SH3GL2: variants seen among roughly 807,000 people sequenced by gnomAD.
SH3GL2 encodes SH3 domain containing GRB2 like 2, endophilin A1.
SH3GL2 carries 24 observed loss-of-function variants against 46.0 expected under a neutral mutation model. The ratio of observed to expected loss-of-function variants is 0.52; its 90% confidence interval spans 0.38 to 0.73. The LOEUF (loss-of-function observed/expected upper bound fraction) is 0.73. Among genes scored for constraint, SH3GL2 ranks in the 30% least tolerant of loss-of-function variants. SH3GL2 has a pLI of 0.00. For synonymous variants in SH3GL2, 196 were observed against 147.1 expected, an observed-to-expected ratio of 1.33 and a Z score of -2.40; for missense variants, 413 against 424.2, an observed-to-expected ratio of 0.97 and a Z score of 0.23.
chr9:17,712,710 A>T (rs960560570), intron 1 of SH3GL2, among the ~76,000 whole-genome samples: 2 of 151,786 alleles, frequency 1.3e-5, no homozygotes, highest in Non-Finnish European at 2.9e-5. Context: ...CAGTAGCTTT[A>T]TGATAAGTCT....
chr9:17,629,452 T>C (rs997149967), intron 1 of SH3GL2, among the ~76,000 whole-genome samples: 2 of 152,172 alleles, frequency 1.3e-5, no homozygotes, highest in African/African-American at 4.8e-5. Context: ...GAAATAATTT[T>C]CCATTCACAA....
chr9:17,589,304 A>G (rs1818435034), intron 1 of SH3GL2: 1 of 152,240 alleles, frequency 6.6e-6, no homozygotes, highest in Non-Finnish European at 1.5e-5. Flanking sequence ...TAGTGGGACT[A>G]TAGGCGTGTG....
chr9:17,790,782 A>G (rs1824104437), intron 6 of SH3GL2, among the ~76,000 whole-genome samples: 1 of 152,190 alleles, frequency 6.6e-6, no homozygotes, highest in African/African-American at 2.4e-5. Context: ...CTGTCATACC[A>G]TGTCGCCTCT....
rs375050613 is a variant in SH3GL2, at chr9:17,795,751, T to C, written c.*8T>C. The C allele has an allele frequency of 9.3e-6, 15 of 1,610,872 alleles. No homozygotes were observed. The African/African-American group carries it at 1.3e-4, about 14-fold the overall frequency. On this transcript the variant is annotated 3_prime_UTR_variant, in exon 9 of 9. Coordinates refer to ENST00000380607, the MANE Select transcript of SH3GL2 (RefSeq NM_003026.5). The stretch of plus-strand genomic sequence containing the variant: ...GTTGCCCTGCCCCATTAGGATGTTA[T>C]GCTGGCTGGCTCGCCTCCTCTTGAC...
intron 3 of SH3GL2, among the ~76,000 whole-genome samples, chr9:17,773,063 AT>A (rs1588322215): frequency 6.6e-6 from 1 of 151,980 alleles, no homozygotes; most frequent in East Asian, 1.9e-4. Context: ...TGTAGTTTTG[AT>A]TTGTAATGAC....
chr9:17,631,756 TTC>T (rs1372748701), intron 1 of SH3GL2, among the ~76,000 whole-genome samples: 1 of 152,198 alleles, frequency 6.6e-6, no homozygotes, highest in African/African-American at 2.4e-5. Flanking sequence ...ACTATACTTT[TTC>T]TGAAAATGAG....
chr9:17,583,326 A>C (rs1818313181), intron 1 of SH3GL2, among the ~76,000 whole-genome samples: 1 of 152,200 alleles, frequency 6.6e-6, no homozygotes, highest in Non-Finnish European at 1.5e-5. Context: ...GACAGTATTA[A>C]GAAATGGGGC....
At chr9:17,715,183 T>G (rs1821718988) in intron 1 of SH3GL2, among the ~76,000 whole-genome samples, 1 of 149,486 alleles carries the variant, frequency 6.7e-6, no homozygotes, top group Admixed American at 6.6e-5. Flanking sequence ...TGATTATGAT[T>G]TCTTTCTTTT....
intron 1 of SH3GL2, among the ~76,000 whole-genome samples, chr9:17,726,803 A>G (rs780720611): frequency 9.2e-5 from 14 of 152,176 alleles, no homozygotes; most frequent in Non-Finnish European, 1.8e-4. Context: ...AAGTCTGACA[A>G]AGTATTGGGG....
Position 17,795,894 on chromosome 9 carries a change from T to G in SH3GL2, c.*151T>G. 1 of 637,060 alleles carries G rather than the reference T, an allele frequency of 1.6e-6. No homozygotes were observed. Among genetic ancestry groups the G allele is most frequent in the Non-Finnish European group, 2.8e-6 (1 of 362,374 alleles). The allele number at this position is 637,060 out of a possible 1,614,324, so 39.5% of individuals were successfully genotyped here. ...AAGTGACTTTGGTTGACTTGTGGGCTCCCACAGGAGTCATGGTGATGGATG... is the reference window on the plus strand; with the variant it reads ...AAGTGACTTTGGTTGACTTGTGGGCGCCCACAGGAGTCATGGTGATGGATG... On this transcript the variant is annotated 3_prime_UTR_variant, in exon 9 of 9. Transcript: ENST00000380607.
chr9:17,744,034 G>A (rs1046156115), intron 1 of SH3GL2, among the ~76,000 whole-genome samples: 3 of 152,180 alleles, frequency 2.0e-5, no homozygotes, highest in Admixed American at 6.5e-5. Context: ...GGAATATAGT[G>A]AGTTTCCTGA....
intron 1 of SH3GL2, among the ~76,000 whole-genome samples, chr9:17,617,845 C>A (rs765187427): frequency 7.2e-5 from 11 of 152,042 alleles, no homozygotes; most frequent in Non-Finnish European, 1.2e-4. Flanking sequence ...GGACCATCTT[C>A]TGTTTGTGAG....
rs566411399 is a variant in SH3GL2 at position 17,630,518 on chromosome 9, G to A, written c.45+51231G>A. Reference sequence around the variant, plus strand: ...AAGTGATCACGCGTATCAATGCTAGGAGTGACGTCAAGTAGACTGGCTGGG... The same window carrying A: ...AAGTGATCACGCGTATCAATGCTAGAAGTGACGTCAAGTAGACTGGCTGGG... On this transcript the variant is annotated intron_variant, in intron 1 of 8. Coordinates refer to ENST00000380607, the MANE Select transcript of SH3GL2 (RefSeq NM_003026.5). 3.9e-5 allele frequency: 6 copies of A among 152,360 alleles called. No homozygotes were observed. In the South Asian group the frequency reaches 8.3e-4, roughly 21 times the overall value. 9.4% of individuals were successfully genotyped at this position (152,360 alleles called of 1,614,324 possible).
chr9:17,674,953 G>A (rs1485082521), intron 1 of SH3GL2, among the ~76,000 whole-genome samples: 2 of 152,160 alleles, frequency 1.3e-5, no homozygotes, highest in Non-Finnish European at 2.9e-5. Context: ...GGGATGGGGA[G>A]TAGACTTCAT....
At chr9:17,779,404 G>A (rs754329097) in intron 3 of SH3GL2, among the ~76,000 whole-genome samples, 3 of 152,116 alleles carry the variant, frequency 2.0e-5, no homozygotes, top group African/African-American at 7.2e-5. Context: ...GAGTGGCTCA[G>A]ACCTGAGCCT....
At chr9:17,729,338 A>G (rs1304511871) in intron 1 of SH3GL2, among the ~76,000 whole-genome samples, 3 of 152,062 alleles carry the variant, frequency 2.0e-5, no homozygotes, top group Admixed American at 6.6e-5. Flanking sequence ...AATTTGTTTA[A>G]GTTCCTTGTA....
rs137912572 is a variant in SH3GL2, at chr9:17,679,695, T to C, written c.46-67371T>C. Among the ~76,000 whole-genome samples, 222 of 152,298 alleles carry C rather than the reference T, an allele frequency of 1.5e-3. 1 individual carries two copies. The highest frequency in any genetic ancestry group is 4.9e-3 in the African/African-American group (205 of 41,570). ...ATAGGAGTGGTGAGAGAGGGCATCC[T>C]TGTCTTGTGCGAGTTTTCAAAGGGA... On this transcript the variant is annotated intron_variant, in intron 1 of 8. Transcript: ENST00000380607.
In SH3GL2 at chr9:17,688,442, AG is replaced by A. The variant is rs550961487; in HGVS notation, c.46-58623del. Among the ~76,000 whole-genome samples the A allele has an allele frequency of 3.2e-3, 487 of 152,228 alleles. 4 individuals carry two copies. Among genetic ancestry groups the A allele is most frequent in the African/African-American group, 0.011 (465 of 41,564 alleles). The stretch of plus-strand genomic sequence containing the variant: ...TGAAGCTCTGGATACATTATTTATA[AG>A]CAGGAGAAGACAAACGAAAATAAGA... On this transcript the variant is annotated intron_variant, in intron 1 of 8. Transcript: ENST00000380607.
At chr9:17,580,980 A>T (rs1402271242) in intron 1 of SH3GL2, among the ~76,000 whole-genome samples, 1 of 152,168 alleles carries the variant, frequency 6.6e-6, no homozygotes, top group Non-Finnish European at 1.5e-5. Context: ...ACCTTGAGAG[A>T]GTATTTAACT....
Sources: gnomAD v4.1 joint callset for allele counts (sites outside exome capture counted in the v4.1 genomes callset) on GRCh38, gnomAD v4.1.1 for gene constraint, MANE v1.5 for transcripts, NCBI Gene and HGNC (gene_info 2026-07-23, HGNC 2026-07-21) for gene names.